Variants in NAALADL2 observed in about 807,000 individuals in gnomAD.
NAALADL2 encodes inactive N-acetylated-alpha-linked acidic dipeptidase-like protein 2.
In NAALADL2, 76 loss-of-function variants were observed where a neutral mutation model predicts 87.2. The ratio of observed to expected loss-of-function variants is 0.87; its 90% CI spans 0.72 to 1.05. The LOEUF is 1.05. Among genes scored for constraint, NAALADL2 ranks in the 50% least tolerant of loss-of-function variants. NAALADL2 has a pLI of 0.00. For missense variants in NAALADL2, 1,089 were observed against 945.8 expected, an observed-to-expected ratio of 1.15 and a Z score of -1.99; for synonymous variants, 354 against 331.0, an observed-to-expected ratio of 1.07 and a Z score of -0.75.
chr3:175,289,466 T>C lies in NAALADL2; in HGVS notation c.939+32936T>C, dbSNP rs534469349. On this transcript the variant is annotated intron_variant, in intron 4 of 13. Transcript: ENST00000454872. ...GAACCTTGACCCTGAAATAATATTA[T>C]ATTCAAAAATTAACAAAACAGATCT... Among the ~76,000 whole-genome samples, 12 of 152,204 alleles carry C rather than the reference T, an allele frequency of 7.9e-5. No homozygotes were observed. In the East Asian group the frequency reaches 1.7e-3, roughly 22 times the overall value.
intron 2 of NAALADL2, among the ~76,000 whole-genome samples, chr3:174,667,757 G>A (rs188686602): frequency 1.3e-5 from 2 of 152,066 alleles, no homozygotes. Context: ...TCTGGTGAAG[G>A]GGAGGTTAAA....
intron 1 of NAALADL2, among the ~76,000 whole-genome samples, chr3:174,447,401 T>A (rs1317749032): frequency 6.6e-6 from 1 of 152,208 alleles, no homozygotes; most frequent in African/African-American, 2.4e-5. Flanking sequence ...TATGGCCATC[T>A]TCTTTTGTAA....
chr3:174,776,867 G>A (rs139171842), intron 3 of NAALADL2, among the ~76,000 whole-genome samples: 2 of 152,132 alleles, frequency 1.3e-5, no homozygotes, highest in East Asian at 1.9e-4. Context: ...CATATTTAAA[G>A]GCATAATTCA....
chr3:174,979,844 A>G (rs1349929820), intron 1 of NAALADL2, among the ~76,000 whole-genome samples: 4 of 152,188 alleles, frequency 2.6e-5, no homozygotes, highest in African/African-American at 7.2e-5. Flanking sequence ...AATCTTAAGC[A>G]ATGTTCTGCC....
At chr3:174,619,398 C>T (rs1416581031) in intron 2 of NAALADL2, among the ~76,000 whole-genome samples, 1 of 151,852 alleles carries the variant, frequency 6.6e-6, no homozygotes, top group Non-Finnish European at 1.5e-5. Flanking sequence ...ATGTTCTCTT[C>T]CATGCTGAGA....
At chr3:175,193,204 T>C (rs752958281) in intron 2 of NAALADL2, among the ~76,000 whole-genome samples, 1 of 151,948 alleles carries the variant, frequency 6.6e-6, no homozygotes, top group Non-Finnish European at 1.5e-5. Flanking sequence ...GATCTACCAC[T>C]TACTAGTTGT....
At chr3:174,496,999 TA>T (rs974307537) in intron 1 of NAALADL2, among the ~76,000 whole-genome samples, 1 of 152,164 alleles carries the variant, frequency 6.6e-6, no homozygotes, top group Non-Finnish European at 1.5e-5. Context: ...TGCTTATCAG[TA>T]AAAATGTGTA....
In NAALADL2 at chr3:174,799,312, C is replaced by T. The variant is rs138408857; in HGVS notation, c.-9+61566C>T. ...ACATCTGATATGGTTTGGCTGTGTCCCTACCCAAATCTCTTTTTGAATTCC... is the reference window on the plus strand; with the variant it reads ...ACATCTGATATGGTTTGGCTGTGTCTCTACCCAAATCTCTTTTTGAATTCC... On this transcript the variant is annotated intron_variant, in intron 3 of 3. Transcript: ENST00000434257. Among the ~76,000 whole-genome samples the T allele has an allele frequency of 2.5e-3, 376 of 152,098 alleles. 2 individuals carry two copies. The highest frequency in any genetic ancestry group is 8.5e-3 in the African/African-American group (351 of 41,502).
intron 11 of NAALADL2, among the ~76,000 whole-genome samples, chr3:175,705,856 C>T (rs1378495522): frequency 6.6e-6 from 1 of 152,028 alleles, no homozygotes; most frequent in African/African-American, 2.4e-5. Flanking sequence ...TGTGAATGGG[C>T]TCAACATTAA....
chr3:175,548,719 A>C (rs1010279922), intron 9 of NAALADL2, among the ~76,000 whole-genome samples: 1 of 152,048 alleles, frequency 6.6e-6, no homozygotes, highest in African/African-American at 2.4e-5. Context: ...AGATTGAGAT[A>C]TAAATAGTCC....
intron 3 of NAALADL2, among the ~76,000 whole-genome samples, chr3:174,783,981 A>G (rs1716302334): frequency 6.6e-6 from 1 of 152,204 alleles, no homozygotes; most frequent in South Asian, 2.1e-4. Flanking sequence ...TAAAGAATAT[A>G]TACTAGTTTG....
intron 4 of NAALADL2, among the ~76,000 whole-genome samples, chr3:175,260,569 A>G (rs538870505): frequency 7.2e-5 from 11 of 152,320 alleles, no homozygotes; most frequent in Non-Finnish European, 8.8e-5. Context: ...TTCAGAAATG[A>G]GGTAAAATGT....
intron 2 of NAALADL2, among the ~76,000 whole-genome samples, chr3:174,641,911 T>C (rs6782758): frequency 0.53 from 79,907 of 151,864 alleles, 21,512 homozygotes; most frequent in Middle Eastern, 0.66. Flanking sequence ...CATGGGCCAC[T>C]ACGCCCAGCT....
At position 175,737,418 on chromosome 3, in the gene NAALADL2, A is replaced by G. The variant is rs185731458; in HGVS notation, c.1990+19A>G. ...CTTAAAGGTAATTTTCCTTTGAATT[A>G]TAGTAATTTTACCAATGAAAAATTG... On this transcript the variant is annotated intron_variant, in intron 12 of 13. Transcript: ENST00000454872. The G allele has an allele frequency of 2.0e-5, 29 of 1,420,344 alleles. No homozygotes were observed. The East Asian group carries it at 6.6e-4, about 33-fold the overall frequency. The allele number at this position is 1,420,344 out of a possible 1,614,324, so 88.0% of individuals were successfully genotyped here.
chr3:174,484,871 G>A (rs919433965), intron 1 of NAALADL2, among the ~76,000 whole-genome samples: 2 of 150,014 alleles, frequency 1.3e-5, no homozygotes, highest in South Asian at 2.1e-4. Context: ...TTAATGTGTC[G>A]AGTGTGATTT....
intron 2 of NAALADL2, among the ~76,000 whole-genome samples, chr3:174,592,371 A>G (rs1426795864): frequency 6.6e-6 from 1 of 152,118 alleles, no homozygotes; most frequent in Non-Finnish European, 1.5e-5. Flanking sequence ...GCACCCATTA[A>G]CTCATCATTT....
intron 3 of NAALADL2, among the ~76,000 whole-genome samples, chr3:174,845,584 T>G (rs150258732): frequency 6.6e-6 from 1 of 152,200 alleles, no homozygotes; most frequent in African/African-American, 2.4e-5. Flanking sequence ...GCCACCTCCA[T>G]GCAGGTTTTC....
At chr3:174,981,648 A>C (rs982795398) in intron 1 of NAALADL2, among the ~76,000 whole-genome samples, 1 of 152,232 alleles carries the variant, frequency 6.6e-6, no homozygotes, top group Non-Finnish European at 1.5e-5. Flanking sequence ...GAAAGCTGAG[A>C]GTCTGCGTCG....
intron 1 of NAALADL2, among the ~76,000 whole-genome samples, chr3:175,073,497 C>T (rs1275262983): frequency 6.6e-6 from 1 of 152,046 alleles, no homozygotes; most frequent in Non-Finnish European, 1.5e-5. Flanking sequence ...TTACCTGGAA[C>T]ATCAGACAGG....
Sources: gnomAD v4.1 joint callset for allele counts (sites outside exome capture counted in the v4.1 genomes callset) on GRCh38, gnomAD v4.1.1 for gene constraint, MANE v1.5 for transcripts, NCBI Gene and HGNC (gene_info 2026-07-23, HGNC 2026-07-21) for gene names.